The following RBM6 variants were observed in gnomAD, a reference collection of about 807,000 sequenced individuals.
The protein encoded by RBM6 is RNA binding motif protein 6, also known as RNA-binding protein 6.
RBM6 carries 23 observed loss-of-function variants against 140.4 expected under a neutral mutation model. The ratio of observed to expected loss-of-function variants is 0.16; its 90% CI spans 0.12 to 0.23. The LOEUF (loss-of-function observed/expected upper bound fraction) is 0.23. Ranked by LOEUF, RBM6 falls within the 10% of genes least tolerant of loss-of-function variation. The pLI is 1.00. For missense variants in RBM6, 1,139 were observed against 1,386.7 expected (o/e 0.82, Z 2.84); for synonymous variants, 439 against 475.6 (o/e 0.92, Z 1.00).
At chr3:50,056,485 A>AG (rs2089705528) in intron 8 of RBM6, among the ~76,000 whole-genome samples, 1 of 151,966 alleles carries the variant, frequency 6.6e-6, no homozygotes, top group South Asian at 2.1e-4. Context: ...CAGTAGAGAC[A>AG]GGGTTTCACT....
rs562179093 is a variant in RBM6, at chr3:50,069,152, C to T, written c.3018+388C>T. On this transcript the variant is annotated intron_variant, in intron 18 of 20. Coordinates refer to ENST00000266022, the MANE Select transcript of RBM6 (RefSeq NM_005777.3). ...TGTCAGAGTCAAATGGACTTGCTAC[C>T]TCAACCACACAGTTAGGGTGAATTA... 2.0e-5 allele frequency among the ~76,000 whole-genome samples: 3 copies of T among 152,204 alleles called. No homozygotes were observed. The South Asian group carries it at 6.2e-4, about 32-fold the overall frequency.
intron 14 of RBM6, 95 bp from the exon 15 acceptor site, chr3:50,061,866 GT>G: frequency 6.8e-7 from 1 of 1,467,536 alleles, no homozygotes; most frequent in Non-Finnish European, 9.1e-7. Flanking sequence ...TAAAAAAGTT[GT>G]TTCTTCCCCT....
At chr3:49,974,673 ATTTTTTTTTT>A (rs55872898) in intron 4 of RBM6, among the ~76,000 whole-genome samples, 25 of 72,460 alleles carry the variant, frequency 3.5e-4, no homozygotes, top group African/African-American at 1.2e-3. Flanking sequence ...TGCCCGGCCA[ATTTTTTTTTT>A]TTTTTTTTTT....
intron 1 of RBM6, among the ~76,000 whole-genome samples, chr3:49,950,753 A>C (rs1487386097): frequency 6.9e-6 from 1 of 144,000 alleles, no homozygotes; most frequent in East Asian, 2.0e-4. Context: ...AGACTGTTTC[A>C]AAAAAAAAAA....
At position 50,002,732 on chromosome 3, in the gene RBM6, A is replaced by G. The variant is rs533245855; in HGVS notation, c.1557+3219A>G. 7.2e-5 allele frequency among the ~76,000 whole-genome samples: 11 copies of G among 152,312 alleles called. No homozygotes were observed. The South Asian group carries it at 2.3e-3, about 32-fold the overall frequency. ...ATTATAAGAAAATAAATTTATTTTT[A>G]TATCTGAAGTTTAATAAAACTAATT... On this transcript the variant is annotated intron_variant, in intron 6 of 20. Transcript: ENST00000266022.
At chr3:50,042,957 T>C (rs1053541508) in intron 6 of RBM6, among the ~76,000 whole-genome samples, 1 of 152,086 alleles carries the variant, frequency 6.6e-6, no homozygotes, top group African/African-American at 2.4e-5. Flanking sequence ...TGCTCCTCTG[T>C]GGTGTCTCTA....
At chr3:50,019,077 C>T (rs1195718160) in intron 6 of RBM6, among the ~76,000 whole-genome samples, 1 of 151,186 alleles carries the variant, frequency 6.6e-6, no homozygotes, top group Admixed American at 6.6e-5. Flanking sequence ...GCTCTTTCAC[C>T]CAGGCTGGAG....
Position 50,057,909 on chromosome 3 carries a change from T to C in RBM6, c.1875T>C (p.Tyr625=), listed in dbSNP as rs2108909274. ...LGHQKREAER[Y]LPPSRREGPT... ...ATCAAAAGAGAGAAGCAGAAAGGTA[T>C]CTGCCTCCTTCTCGAAGGGAAGGGC... Residue 625 remains tyrosine, a synonymous_variant, in exon 9 of 21, where the codon TAT becomes TAC. Coordinates refer to ENST00000266022, the MANE Select transcript of RBM6 (RefSeq NM_005777.3). The C allele has an allele frequency of 2.5e-6, 4 of 1,614,136 alleles. No individual in the cohort carries two copies. The East Asian group carries it at 8.9e-5, about 36-fold the overall frequency.
At chr3:49,997,615 A>G (rs2086146764) in intron 5 of RBM6, among the ~76,000 whole-genome samples, 1 of 152,200 alleles carries the variant, frequency 6.6e-6, no homozygotes, top group South Asian at 2.1e-4. Context: ...TAATCAACAC[A>G]CTAGAGAGTA....
At chr3:49,989,629 TTTC>T (rs1377686632) in intron 5 of RBM6, among the ~76,000 whole-genome samples, 3 of 152,162 alleles carry the variant, frequency 2.0e-5, no homozygotes, top group Admixed American at 6.6e-5. Context: ...CAGGGATATG[TTTC>T]TTCAACTCCA....
chr3:50,025,194 G>A (rs1027472069), intron 6 of RBM6, among the ~76,000 whole-genome samples: 2 of 151,918 alleles, frequency 1.3e-5, no homozygotes, highest in South Asian at 4.2e-4. Context: ...GGAGACTGAG[G>A]TGGGCAGATC....
At chr3:49,998,472 T>G (rs561334660) in intron 5 of RBM6, among the ~76,000 whole-genome samples, 29 of 152,296 alleles carry the variant, frequency 1.9e-4, no homozygotes, top group African/African-American at 6.5e-4. Flanking sequence ...GGAAGCCACT[T>G]GGGGAGCACT....
At position 50,077,079 on chromosome 3, in the gene RBM6, T is replaced by G. The variant is rs753176429; in HGVS notation, c.3318T>G (p.Thr1106=). The change falls in exon 21 of 21, where the codon ACT becomes ACG. Residue 1106 remains threonine, a synonymous_variant. Coordinates refer to ENST00000266022, the MANE Select transcript of RBM6 (RefSeq NM_005777.3). ...GRTSKRQSNE[T]YRDAVRRVMF... ...CCAGCAAAAGACAGTCCAACGAGAC[T>G]TACCGAGATGCTGTTCGAAGAGTCA... 22 of 1,613,412 alleles carry G rather than the reference T, an allele frequency of 1.4e-5. No individual in the cohort carries two copies. In the South Asian group the frequency reaches 2.1e-4, roughly 15 times the overall value.
At chr3:49,964,407 G>C (rs985340253) in intron 2 of RBM6, among the ~76,000 whole-genome samples, 2 of 152,134 alleles carry the variant, frequency 1.3e-5, no homozygotes, top group Non-Finnish European at 2.9e-5. Context: ...GTGTGATGTT[G>C]GGTATTTTTT....
chr3:50,056,180 C>G (rs2089686376), intron 8 of RBM6, among the ~76,000 whole-genome samples: 2 of 152,100 alleles, frequency 1.3e-5, no homozygotes, highest in Non-Finnish European at 1.5e-5. Flanking sequence ...GGATGAACAA[C>G]TGAGATTTTT....
At chr3:49,982,813 GT>G (rs1472682811) in intron 5 of RBM6, among the ~76,000 whole-genome samples, 3 of 151,748 alleles carry the variant, frequency 2.0e-5, no homozygotes, top group African/African-American at 7.3e-5. Flanking sequence ...TGCCTCCTGA[GT>G]TCAATTCTCC....
At chr3:49,952,097 C>T (rs1448379827) in intron 1 of RBM6, among the ~76,000 whole-genome samples, 5 of 151,860 alleles carry the variant, frequency 3.3e-5, no homozygotes, top group East Asian at 1.9e-4. Flanking sequence ...TGCAGTGGCA[C>T]GATCTTGGCT....
chr3:50,054,512 T>TC, intron 8 of RBM6, 117 bp downstream of exon 8: 1 of 941,956 alleles, frequency 1.1e-6, no homozygotes, highest in East Asian at 2.5e-5. Flanking sequence ...ACAAACCTTT[T>TC]TTTTTTTTTT....
At chr3:50,005,495 C>CAAAAAAAAAAAAAAAAA (rs35202304) in intron 6 of RBM6, among the ~76,000 whole-genome samples, 1 of 101,380 alleles carries the variant, frequency 9.9e-6, no homozygotes, top group African/African-American at 3.9e-5. Context: ...GATCCTGCCT[C>CAAAAAAAAAAAAAAAAA]AAAAAAAAAA....
Sources: allele counts gnomAD v4.1 joint callset (sites outside exome capture counted in the v4.1 genomes callset), GRCh38; gene constraint gnomAD v4.1.1; transcripts MANE v1.5; gene names NCBI Gene and HGNC (gene_info 2026-07-23, HGNC 2026-07-21).